The following MARCHF3 variants were observed in gnomAD, a reference collection of about 807,000 sequenced individuals.
MARCHF3 encodes E3 ubiquitin-protein ligase MARCHF3.
A neutral mutation model predicts 24.2 loss-of-function variants in MARCHF3; 13 were observed. That is an observed-to-expected ratio of 0.54 (90% CI 0.35 to 0.85). The LOEUF is 0.85. Ranked by LOEUF, MARCHF3 falls within the 40% of genes least tolerant of loss-of-function variation. The probability of loss-of-function intolerance (pLI) is 0.01; values close to 1 mark genes in which losing one functional copy is unlikely to be tolerated. For synonymous variants in MARCHF3, 144 were observed against 137.3 expected (o/e 1.05, Z -0.34); for missense variants, 276 against 325.0 (o/e 0.85, Z 1.16).
intron 1 of MARCHF3, among the ~76,000 whole-genome samples, chr5:126,947,656 T>C (rs1295454006): frequency 1.3e-5 from 2 of 152,212 alleles, no homozygotes; most frequent in Non-Finnish European, 2.9e-5. Context: ...AGGGGAAGTC[T>C]GTTTACCTTC....
chr5:127,000,294 C>G (rs1752085972), intron 1 of MARCHF3, among the ~76,000 whole-genome samples: 1 of 152,006 alleles, frequency 6.6e-6, no homozygotes, highest in Non-Finnish European at 1.5e-5. Context: ...CACTCTGCCT[C>G]TTGATGCTAG....
rs369285219 is a variant in MARCHF3 at position 126,922,552 on chromosome 5, A to ATTTATTTATTAT, written c.-56-4326_-56-4325insATAATAAATAAA. Among the ~76,000 whole-genome samples, 6 of 111,096 alleles carry ATTTATTTATTAT rather than the reference A, an allele frequency of 5.4e-5. No individual in the cohort carries two copies. The East Asian group carries it at 9.0e-4, about 17-fold the overall frequency. The allele number at this position is 111,096 out of a possible 152,430, so 72.9% of individuals were successfully genotyped here. ...TATTTATTTATTTATTTATTTATTTATTATTTATTTTTGAGTCGGAGTCTC... is the reference window on the plus strand; with the variant it reads ...TATTTATTTATTTATTTATTTATTTATTTATTTATTATTTATTTATTTTTGAGTCGGAGTCTC... On this transcript the variant is annotated intron_variant, in intron 1 of 4. Coordinates refer to ENST00000308660, the MANE Select transcript of MARCHF3 (RefSeq NM_178450.5).
At chr5:126,875,021 A>G (rs1226265481) in intron 4 of MARCHF3, among the ~76,000 whole-genome samples, 1 of 152,174 alleles carries the variant, frequency 6.6e-6, no homozygotes, top group Non-Finnish European at 1.5e-5. Context: ...CAGTGAGTGG[A>G]AAGACTTCCT....
At position 127,027,246 on chromosome 5, in the gene MARCHF3, C is replaced by A. The variant is rs1753028377; in HGVS notation, c.-57+3104G>T. On this transcript the variant is annotated intron_variant, in intron 1 of 4. Coordinates refer to ENST00000308660, the MANE Select transcript of MARCHF3 (RefSeq NM_178450.5). ...ATTAATTGGGCAGCTCAAAATACTC[C>A]TAAGGTGACTTTCAGAAAGTAAGAA... is the stretch of plus-strand genomic sequence containing the variant. Among the ~76,000 whole-genome samples the A allele has an allele frequency of 2.0e-5, 3 of 152,130 alleles. 1 individual carries two copies. The highest frequency in any genetic ancestry group is 7.2e-5 in the African/African-American group (3 of 41,400).
chr5:126,886,714 G>A (rs1238902874), intron 3 of MARCHF3, among the ~76,000 whole-genome samples: 1 of 152,084 alleles, frequency 6.6e-6, no homozygotes, highest in African/African-American at 2.4e-5. Context: ...CAGCAAACAT[G>A]ACAAGCTTTA....
chr5:126,934,863 C>A (rs1273498786), intron 1 of MARCHF3, among the ~76,000 whole-genome samples: 1 of 152,112 alleles, frequency 6.6e-6, no homozygotes, highest in South Asian at 2.1e-4. Flanking sequence ...GTCTACCAGG[C>A]CCAGGTCCCG....
intron 3 of MARCHF3, among the ~76,000 whole-genome samples, chr5:126,904,665 G>C (rs1304623892): frequency 6.7e-6 from 1 of 149,002 alleles, no homozygotes; most frequent in East Asian, 2.0e-4. Context: ...GGGGTTGTTT[G>C]TTTTTTTCTT....
chr5:126,910,009 T>C (rs1335747587), intron 3 of MARCHF3, among the ~76,000 whole-genome samples: 10 of 152,224 alleles, frequency 6.6e-5, no homozygotes. Context: ...GAACAGCTTT[T>C]AAATTGTTCA....
At chr5:126,983,541 T>G (rs890301211) in intron 1 of MARCHF3, among the ~76,000 whole-genome samples, 1 of 152,338 alleles carries the variant, frequency 6.6e-6, no homozygotes, top group East Asian at 1.9e-4. Flanking sequence ...CTCTCGGAAC[T>G]GTCAGCAGGC....
chr5:126,921,421 G>A (rs1749103718), intron 1 of MARCHF3, among the ~76,000 whole-genome samples: 1 of 152,148 alleles, frequency 6.6e-6, no homozygotes, highest in Non-Finnish European at 1.5e-5. Context: ...GGGCAGGCAG[G>A]AGCGGACCTC....
chr5:126,963,814 C>T (rs1004805900), intron 1 of MARCHF3, among the ~76,000 whole-genome samples: 2 of 152,144 alleles, frequency 1.3e-5, no homozygotes, highest in Non-Finnish European at 2.9e-5. Context: ...AGAGTACTGA[C>T]GTTAAACTCT....
At chr5:126,965,659 A>G (rs571620078) in intron 1 of MARCHF3, among the ~76,000 whole-genome samples, 1 of 152,310 alleles carries the variant, frequency 6.6e-6, no homozygotes, top group East Asian at 1.9e-4. Flanking sequence ...AAGTGCCTAA[A>G]GCAGCACACA....
chr5:126,922,586 G>A (rs905737899), intron 1 of MARCHF3, among the ~76,000 whole-genome samples: 1 of 150,314 alleles, frequency 6.7e-6, no homozygotes, highest in Non-Finnish European at 1.5e-5. Context: ...TCACTCTGTC[G>A]CCCAGGCTGG....
chr5:126,934,191 T>A (rs574136036), intron 1 of MARCHF3, among the ~76,000 whole-genome samples: 36 of 152,292 alleles, frequency 2.4e-4, no homozygotes, highest in African/African-American at 3.1e-4. Flanking sequence ...TTATTTATTT[T>A]TTTTACAATA....
intron 3 of MARCHF3, among the ~76,000 whole-genome samples, chr5:126,913,369 T>C (rs543604698): frequency 6.6e-6 from 1 of 152,364 alleles, no homozygotes; most frequent in East Asian, 1.9e-4. Context: ...CCACAAAGTT[T>C]CTGGAAAGGA....
chr5:126,917,053 G>A (rs1748887791), intron 2 of MARCHF3, among the ~76,000 whole-genome samples: 1 of 152,186 alleles, frequency 6.6e-6, no homozygotes, highest in African/African-American at 2.4e-5. Flanking sequence ...TGCCCAGGGT[G>A]GGATGCCACT....
At chr5:126,917,907 T>G (rs1000122980) in intron 2 of MARCHF3, 77 bp downstream of exon 2, 21 of 1,459,548 alleles carry the variant, frequency 1.4e-5, no homozygotes, top group Non-Finnish European at 1.9e-5. Flanking sequence ...ACTAATTACA[T>G]TCCCATTAGC....
chr5:126,909,592 G>A lies in MARCHF3; in HGVS notation c.393+5338C>T, dbSNP rs1013181228. Among the ~76,000 whole-genome samples the A allele has an allele frequency of 9.5e-4, 144 of 152,264 alleles. 2 individuals carry two copies. The highest frequency in any genetic ancestry group is 7.5e-3 in the Admixed American group (115 of 15,292). On this transcript the variant is annotated intron_variant, in intron 3 of 4. Transcript: ENST00000308660. The stretch of plus-strand genomic sequence containing the variant: ...GGAGTGACTCGATTTTCCAGGTGTC[G>A]TCTGTCACCACTTTCTTTGACTAGG...
At chr5:127,024,203 A>C (rs557095651) in intron 1 of MARCHF3, among the ~76,000 whole-genome samples, 1 of 152,322 alleles carries the variant, frequency 6.6e-6, no homozygotes, top group East Asian at 1.9e-4. Context: ...ATGATATAAT[A>C]ATTCTATGAA....
Sources: allele counts gnomAD v4.1 joint callset (sites outside exome capture counted in the v4.1 genomes callset), GRCh38; gene constraint gnomAD v4.1.1; transcripts MANE v1.5; gene names NCBI Gene and HGNC (gene_info 2026-07-23, HGNC 2026-07-21).